The following VPS37A variants were observed in gnomAD, a reference collection of about 807,000 sequenced individuals.
VPS37A encodes the protein vacuolar protein sorting-associated protein 37A.
VPS37A carries 30 observed loss-of-function variants against 49.8 expected under a neutral mutation model. The observed-to-expected ratio is 0.60, with a 90% CI of 0.45 to 0.82. The LOEUF (loss-of-function observed/expected upper bound fraction) is 0.82. VPS37A is among the 40% of genes least tolerant of loss of function. The probability of loss-of-function intolerance (pLI) is 0.00; values close to 1 mark genes in which losing one functional copy is unlikely to be tolerated. For synonymous variants in VPS37A, 195 were observed against 160.6 expected (o/e 1.21, Z -1.62); for missense variants, 593 against 464.4 (o/e 1.28, Z -2.55).
intron 1 of VPS37A, among the ~76,000 whole-genome samples, chr8:17,251,603 C>G (rs986224142): frequency 9.8e-5 from 15 of 152,320 alleles, no homozygotes; most frequent in Admixed American, 7.2e-4. Flanking sequence ...CTACTTCTGA[C>G]TTTCCATTTA....
At chr8:17,264,376 T>C (rs1312437883) in intron 1 of VPS37A, among the ~76,000 whole-genome samples, 3 of 152,200 alleles carry the variant, frequency 2.0e-5, no homozygotes, top group Non-Finnish European at 4.4e-5. Context: ...TTATGTGGTG[T>C]TCATACAAGG....
At chr8:17,332,253 C>G in the VPS37A span, among the ~76,000 whole-genome samples, 178 of 152,224 alleles carry the variant, frequency 1.2e-3, 1 homozygote, top group East Asian at 0.026. Flanking sequence ...AAGCACAGTG[C>G]ACAATAGTAC....
chr8:17,257,377 G>T (rs1212223410), intron 1 of VPS37A, among the ~76,000 whole-genome samples: 1 of 152,054 alleles, frequency 6.6e-6, no homozygotes, highest in African/African-American at 2.4e-5. Context: ...TGTTCTTTTT[G>T]CTCAGAGTTG....
downstream of VPS37A, among the ~76,000 whole-genome samples, chr8:17,305,170 G>T (rs1358912702): frequency 1.3e-5 from 2 of 152,114 alleles, no homozygotes; most frequent in African/African-American, 4.8e-5. Flanking sequence ...CATTTGAACT[G>T]ATCATTCCCC....
chr8:17,306,902 G>A (rs1291590951), downstream of VPS37A, among the ~76,000 whole-genome samples: 1 of 143,756 alleles, frequency 7.0e-6, no homozygotes, highest in African/African-American at 2.7e-5. Flanking sequence ...ATGGATTAAA[G>A]ACTTAAACGT....
chr8:17,319,340 G>T, the VPS37A span, among the ~76,000 whole-genome samples: 82 of 152,314 alleles, frequency 5.4e-4, no homozygotes, highest in African/African-American at 1.5e-3. Context: ...TCCCGAAAAT[G>T]GTAGCTATGA....
chr8:17,305,908 G>A (rs1369205171), downstream of VPS37A: 2 of 1,613,538 alleles, frequency 1.2e-6, no homozygotes. Flanking sequence ...TCAATGAACT[G>A]GTCAATAACT....
the VPS37A span, among the ~76,000 whole-genome samples, chr8:17,318,197 C>T: frequency 0.18 from 27,188 of 151,944 alleles, 2,550 homozygotes; most frequent in East Asian, 0.29. Context: ...GTTTGGGATC[C>T]GAACACACCT....
At chr8:17,304,351 G>C (rs369238695), downstream of VPS37A, 4 of 1,603,284 alleles carry the variant, frequency 2.5e-6, no homozygotes, top group African/African-American at 2.7e-5. Context: ...TCATACCATG[G>C]CTACAAAGTT....
intron 1 of VPS37A, among the ~76,000 whole-genome samples, chr8:17,253,310 G>A (rs569037700): frequency 6.6e-4 from 100 of 152,210 alleles, no homozygotes; most frequent in African/African-American, 2.3e-3. Context: ...AGTTCTCTCT[G>A]CCTCCAGCCT....
At chr8:17,333,151 C>G in the VPS37A span, among the ~76,000 whole-genome samples, 1 of 152,190 alleles carries the variant, frequency 6.6e-6, no homozygotes, top group African/African-American at 2.4e-5. Flanking sequence ...TGGGCCACAT[C>G]AGCCCCTCAG....
chr8:17,248,108 C>G (rs1316558320), intron 1 of VPS37A: 3 of 362,552 alleles, frequency 8.3e-6, no homozygotes, highest in Admixed American at 4.3e-5. Flanking sequence ...AATTGGTTTG[C>G]TGCAGCCTTT....
Position 17,247,385 on chromosome 8 carries a change from C to T in VPS37A, c.125+16C>T, listed in dbSNP as rs1349040363. Reference sequence around the variant, plus strand: ...CACACTCCAGGTGACTGGTCGCTGCCTCTCCACCGGAGGAAAAAGTAGGGT... The same window carrying T: ...CACACTCCAGGTGACTGGTCGCTGCTTCTCCACCGGAGGAAAAAGTAGGGT... On this transcript the variant is annotated intron_variant, in intron 1 of 11. Coordinates refer to ENST00000324849, the MANE Select transcript of VPS37A (RefSeq NM_152415.3). 1.3e-5 allele frequency: 20 copies of T among 1,531,820 alleles called. No homozygotes were observed. The highest frequency in any genetic ancestry group is 2.5e-5 in the East Asian group (1 of 40,580). 94.9% of individuals were successfully genotyped at this position (1,531,820 alleles called of 1,614,324 possible).
At chr8:17,316,527 A>G in the VPS37A span, among the ~76,000 whole-genome samples, 909 of 151,144 alleles carry the variant, frequency 6.0e-3, 10 homozygotes, top group African/African-American at 0.02. Flanking sequence ...CTGGATTTCT[A>G]TAAGTGAAAT....
intron 4 of VPS37A, among the ~76,000 whole-genome samples, chr8:17,271,313 T>C (rs958142086): frequency 1.4e-4 from 22 of 152,282 alleles, no homozygotes; most frequent in Middle Eastern, 3.4e-3. Context: ...TCCTTTAACA[T>C]GCTTATGATT....
At position 17,266,299 on chromosome 8, in the gene VPS37A, A is replaced by G. The variant is rs543133963; in HGVS notation, c.200+318A>G. Among the ~76,000 whole-genome samples, 119 of 152,322 alleles carry G rather than the reference A, an allele frequency of 7.8e-4. 1 individual carries two copies. The highest frequency in any genetic ancestry group is 3.4e-3 in the Middle Eastern group (1 of 294). On this transcript the variant is annotated intron_variant, in intron 2 of 11. Transcript: ENST00000324849. ...TGATAATAAAAAACAAAGGGGTTATATATATAAAGCCGTTAGAGATAGATT... is the reference window on the plus strand; with the variant it reads ...TGATAATAAAAAACAAAGGGGTTATGTATATAAAGCCGTTAGAGATAGATT...
At chr8:17,284,933 G>A (rs926585866) in intron 10 of VPS37A, among the ~76,000 whole-genome samples, 2 of 152,142 alleles carry the variant, frequency 1.3e-5, no homozygotes, top group African/African-American at 4.8e-5. Flanking sequence ...AGATATAAAT[G>A]AGAGTGAGGG....
chr8:17,294,384 T>G (rs535804632), intron 11 of VPS37A, among the ~76,000 whole-genome samples: 1 of 152,196 alleles, frequency 6.6e-6, no homozygotes, highest in African/African-American at 2.4e-5. Flanking sequence ...CTTAGCTTGC[T>G]AGACTCCATA....
At chr8:17,260,444 A>G (rs1812867939) in intron 1 of VPS37A, among the ~76,000 whole-genome samples, 1 of 151,830 alleles carries the variant, frequency 6.6e-6, no homozygotes. Context: ...GTTGTTTTTG[A>G]TAGATTTTTA....
Sources: allele counts gnomAD v4.1 joint callset (sites outside exome capture counted in the v4.1 genomes callset), GRCh38; gene constraint gnomAD v4.1.1; transcripts MANE v1.5; gene names NCBI Gene and HGNC (gene_info 2026-07-23, HGNC 2026-07-21).